The following RSPRY1 variants were observed in gnomAD, a reference collection of about 807,000 sequenced individuals.
RSPRY1 encodes the protein ring finger and SPRY domain containing 1.
Under a neutral mutation model 73.1 loss-of-function variants are expected in RSPRY1, and 23 were observed. The observed-to-expected ratio is 0.31, with a 90% CI of 0.23 to 0.45. The LOEUF (loss-of-function observed/expected upper bound fraction) is 0.45. Ranked by LOEUF, RSPRY1 falls within the 20% of genes least tolerant of loss-of-function variation. The pLI, the probability that RSPRY1 is intolerant of heterozygous loss-of-function variation, is 1.00. For synonymous variants in RSPRY1, 226 were observed against 251.4 expected (o/e 0.90, Z 0.95); for missense variants, 448 against 698.7 (o/e 0.64, Z 4.05).
chr16:57,206,435 A>C (rs566965233), intron 2 of RSPRY1, among the ~76,000 whole-genome samples: 3 of 152,222 alleles, frequency 2.0e-5, no homozygotes, highest in Admixed American at 1.3e-4. Flanking sequence ...AAAATTTTTT[A>C]AATCCCTTGT....
chr16:57,194,328 A>G (rs1443745816), intron 1 of RSPRY1, among the ~76,000 whole-genome samples: 23 of 152,150 alleles, frequency 1.5e-4, no homozygotes, highest in Non-Finnish European at 4.4e-5. Context: ...AAATGTTAGT[A>G]GTAGAATCTA....
At chr16:57,200,251 G>A (rs1218271779) in intron 1 of RSPRY1, among the ~76,000 whole-genome samples, 1 of 149,386 alleles carries the variant, frequency 6.7e-6, no homozygotes, top group Non-Finnish European at 1.5e-5. Flanking sequence ...GGATCCCAAG[G>A]CAGAAGAATT....
chr16:57,210,245 A>AT lies in RSPRY1; in HGVS notation c.516+1066dup, dbSNP rs530404754. ...GGCATGCACCACCACACCTAGCTAA[A>AT]TTTTTTTTATTTTTTGTAGATAAAG... On this transcript the variant is annotated intron_variant, in intron 4 of 14. Transcript: ENST00000394420. Among the ~76,000 whole-genome samples, 1,080 of 151,066 alleles carry AT rather than the reference A, an allele frequency of 7.1e-3. 11 individuals carry two copies. Among genetic ancestry groups the AT allele is most frequent in the African/African-American group, 0.025 (1,040 of 41,112 alleles).
At chr16:57,207,620 T>C (rs1310967789) in intron 2 of RSPRY1, 1 of 456,666 alleles carries the variant, frequency 2.2e-6, no homozygotes, top group Non-Finnish European at 4.4e-6. Context: ...AAGATGCGTA[T>C]ATAGGCCCTT....
intron 5 of RSPRY1, among the ~76,000 whole-genome samples, chr16:57,213,541 T>G (rs1394033832): frequency 1.3e-5 from 2 of 152,210 alleles, no homozygotes; most frequent in African/African-American, 4.8e-5. Flanking sequence ...TTTAATTTGT[T>G]TATGAATGTT....
At chr16:57,215,504 A>G (rs2074923580) in intron 6 of RSPRY1, among the ~76,000 whole-genome samples, 1 of 152,128 alleles carries the variant, frequency 6.6e-6, no homozygotes, top group Non-Finnish European at 1.5e-5. Context: ...AGAAGGTGTC[A>G]TGTTCAACAG....
At chr16:57,223,582 G>A (rs2075074169) in intron 10 of RSPRY1, among the ~76,000 whole-genome samples, 1 of 152,080 alleles carries the variant, frequency 6.6e-6, no homozygotes, top group Admixed American at 6.5e-5. Context: ...GAGTTTGACT[G>A]GCCAACATGG....
At chr16:57,219,416 G>A (rs2146316544) in intron 8 of RSPRY1, among the ~76,000 whole-genome samples, 1 of 152,334 alleles carries the variant, frequency 6.6e-6, no homozygotes, top group South Asian at 2.1e-4. Flanking sequence ...GATCAATAAT[G>A]TTGAGTACCT....
intron 6 of RSPRY1, among the ~76,000 whole-genome samples, chr16:57,214,332 C>T (rs2074899843): frequency 6.6e-6 from 1 of 152,184 alleles, no homozygotes; most frequent in South Asian, 2.1e-4. Flanking sequence ...TAAATCTCTA[C>T]TCCTCCCTGC....
At chr16:57,216,532 G>T in intron 7 of RSPRY1, 1 of 331,722 alleles carries the variant, frequency 3.0e-6, no homozygotes, top group Non-Finnish European at 5.6e-6. Flanking sequence ...AGGGTGGGCA[G>T]CATAGCAAGA....
chr16:57,234,801 T>C (rs1017528793), intron 13 of RSPRY1, among the ~76,000 whole-genome samples: 45 of 152,224 alleles, frequency 3.0e-4, no homozygotes, highest in African/African-American at 9.6e-4. Context: ...ATATGTGATT[T>C]AAAAGGTTGA....
At chr16:57,210,289 AG>A (rs1388744207) in intron 4 of RSPRY1, among the ~76,000 whole-genome samples, 1 of 151,776 alleles carries the variant, frequency 6.6e-6, no homozygotes, top group East Asian at 1.9e-4. Context: ...TATGTTGCCC[AG>A]GCTGATTTTG....
At position 57,208,400 on chromosome 16, in the gene RSPRY1, A is replaced by ATAT. The variant is rs1472775482; in HGVS notation, c.403+291_403+292insATT. ...TTTATATATATATATATATATATAT[A>ATAT]TTTTTTTTTTTTTTTGAGACAGAGT... On this transcript the variant is annotated intron_variant, in intron 3 of 14. Coordinates refer to ENST00000394420, the MANE Select transcript of RSPRY1 (RefSeq NM_133368.3). Among the ~76,000 whole-genome samples, 139 of 50,110 alleles carry ATAT rather than the reference A, an allele frequency of 2.8e-3. 6 individuals are homozygous for ATAT. Among genetic ancestry groups the ATAT allele is most frequent in the Admixed American group, 0.027 (83 of 3,104 alleles). 32.9% of individuals were successfully genotyped at this position (50,110 alleles called of 152,430 possible). A position where few individuals can be genotyped will look rare whatever the true frequency, so the allele number is the denominator to read the frequency against.
intron 1 of RSPRY1, among the ~76,000 whole-genome samples, chr16:57,193,009 C>G (rs1015577669): frequency 2.0e-5 from 3 of 152,150 alleles, no homozygotes; most frequent in African/African-American, 7.2e-5. Context: ...AGCCACCATG[C>G]CCTGCTCAGA....
Position 57,236,793 on chromosome 16 carries a change from C to T in RSPRY1, c.1634+1565C>T, listed in dbSNP as rs533649920. Among the ~76,000 whole-genome samples, 5 of 152,190 alleles carry T rather than the reference C, an allele frequency of 3.3e-5. No individual in the cohort carries two copies. The East Asian group carries it at 9.7e-4, about 29-fold the overall frequency. Reference sequence around the variant, plus strand: ...TTTATGAATATAAATCTAAAACTCCCAAATAAAATATTAGAAAGTAAGACC... The same window carrying T: ...TTTATGAATATAAATCTAAAACTCCTAAATAAAATATTAGAAAGTAAGACC... On this transcript the variant is annotated intron_variant, in intron 14 of 14. Transcript: ENST00000394420.
At chr16:57,202,968 C>A (rs1287445642) in intron 1 of RSPRY1, among the ~76,000 whole-genome samples, 2 of 149,016 alleles carry the variant, frequency 1.3e-5, no homozygotes, top group African/African-American at 4.9e-5. Context: ...TAGCAGTAAT[C>A]AAACTGGGAA....
rs1475175205 is a variant in RSPRY1, at chr16:57,200,796, C to T, written c.-155-3708C>T. Among the ~76,000 whole-genome samples, 3 of 142,484 alleles carry T rather than the reference C, an allele frequency of 2.1e-5. 1 individual carries two copies. The highest frequency in any genetic ancestry group is 2.2e-4 in the East Asian group (1 of 4,630). 93.5% of individuals were successfully genotyped at this position (142,484 alleles called of 152,430 possible). On this transcript the variant is annotated intron_variant, in intron 1 of 14. Coordinates refer to ENST00000394420, the MANE Select transcript of RSPRY1 (RefSeq NM_133368.3). ...GGCTGGCCGGGCTGGGGGCTGGCCC[C>T]CCCCACATCCTTCCCGGACGGGGCG...
chr16:57,202,699 G>A (rs1474827243), intron 1 of RSPRY1, among the ~76,000 whole-genome samples: 1 of 152,014 alleles, frequency 6.6e-6, no homozygotes, highest in Non-Finnish European at 1.5e-5. Context: ...TGGTTTGGGG[G>A]AACCAAGAAC....
chr16:57,227,784 A>G (rs1040200905), intron 11 of RSPRY1, among the ~76,000 whole-genome samples: 10 of 152,204 alleles, frequency 6.6e-5, no homozygotes, highest in Admixed American at 4.6e-4. Context: ...TGGAATTGTA[A>G]TGCCACTAAA....
Sources: allele counts gnomAD v4.1 joint callset (sites outside exome capture counted in the v4.1 genomes callset), GRCh38; gene constraint gnomAD v4.1.1; transcripts MANE v1.5; gene names NCBI Gene and HGNC (gene_info 2026-07-23, HGNC 2026-07-21).